The following FNDC3B variants were observed in gnomAD, a reference collection of about 807,000 sequenced individuals.
FNDC3B encodes the protein fibronectin type III domain-containing protein 3B.
FNDC3B carries 12 observed loss-of-function variants against 151.5 expected under a neutral mutation model. That is an observed-to-expected ratio of 0.08 (90% CI 0.05 to 0.13). The LOEUF is 0.13. Among genes scored for constraint, FNDC3B ranks in the 10% least tolerant of loss-of-function variants. The pLI is 1.00. For missense variants in FNDC3B, 1,214 were observed against 1,505.3 expected (o/e 0.81, Z 3.20); for synonymous variants, 528 against 549.0 (o/e 0.96, Z 0.54).
At chr3:172,373,396 C>G (rs575060249) in intron 23 of FNDC3B, among the ~76,000 whole-genome samples, 27 of 152,322 alleles carry the variant, frequency 1.8e-4, no homozygotes, top group African/African-American at 5.8e-4. Flanking sequence ...CAGGTGGAAT[C>G]TAAGCACTGA....
intron 2 of FNDC3B, 29 bp downstream of exon 2, chr3:172,112,619 C>T (rs758802172): frequency 4.9e-6 from 7 of 1,429,834 alleles, no homozygotes; most frequent in Non-Finnish European, 5.9e-6. Flanking sequence ...AAATTTAAGT[C>T]AAATTGTCTA....
In FNDC3B at chr3:172,101,803, T is replaced by C. The variant is rs147208863; in HGVS notation, c.-28-10649T>C. On this transcript the variant is annotated intron_variant, in intron 1 of 25. Coordinates refer to ENST00000415807, the MANE Select transcript of FNDC3B (RefSeq NM_022763.4). ...TTTATAATTTGGTTTCTGCTAGTTT[T>C]TTCCCCCCTCTAATTTTAAACCATC... Among the ~76,000 whole-genome samples, 18 of 152,360 alleles carry C rather than the reference T, an allele frequency of 1.2e-4. No individual in the cohort carries two copies. The East Asian group carries it at 3.5e-3, about 29-fold the overall frequency.
chr3:172,112,622 A>G (rs2108540593), intron 2 of FNDC3B, 32 bp downstream of exon 2: 1 of 1,404,832 alleles, frequency 7.1e-7, no homozygotes, highest in East Asian at 2.3e-5. Flanking sequence ...TTTAAGTCAA[A>G]TTGTCTAAGT....
intron 1 of FNDC3B, among the ~76,000 whole-genome samples, chr3:172,064,002 G>A (rs762812214): frequency 2.9e-4 from 44 of 152,264 alleles, no homozygotes; most frequent in Non-Finnish European, 4.9e-4. Context: ...TAAGGGCCAG[G>A]TGTGGTGGTG....
At chr3:172,108,839 T>G (rs560235760) in intron 1 of FNDC3B, among the ~76,000 whole-genome samples, 76 of 152,370 alleles carry the variant, frequency 5.0e-4, no homozygotes, top group African/African-American at 1.6e-3. Context: ...CCTCCTTGCC[T>G]TTTCTCTAGT....
At chr3:172,082,501 AT>A (rs1398923450) in intron 1 of FNDC3B, among the ~76,000 whole-genome samples, 1 of 151,342 alleles carries the variant, frequency 6.6e-6, no homozygotes, top group Non-Finnish European at 1.5e-5. Context: ...ACATCATGGG[AT>A]TATAGGGCCG....
rs113838974 is a variant in FNDC3B at position 172,115,298 on chromosome 3, A to G, written c.111+2708A>G. On this transcript the variant is annotated intron_variant, in intron 2 of 25. Coordinates refer to ENST00000415807, the MANE Select transcript of FNDC3B (RefSeq NM_022763.4). Reference sequence around the variant, plus strand: ...GAAGGCACAAGGGGAAGACAGAGTGAAGGAGAAGGAAAACCAAAAGTGGCA... The same window carrying G: ...GAAGGCACAAGGGGAAGACAGAGTGGAGGAGAAGGAAAACCAAAAGTGGCA... Among the ~76,000 whole-genome samples, 103 of 152,316 alleles carry G rather than the reference A, an allele frequency of 6.8e-4. 1 individual carries two copies. The highest frequency in any genetic ancestry group is 2.4e-3 in the African/African-American group (99 of 41,560).
At chr3:172,041,358 G>GTT (rs764264440) in intron 1 of FNDC3B, among the ~76,000 whole-genome samples, 37 of 104,212 alleles carry the variant, frequency 3.6e-4, no homozygotes, top group African/African-American at 1.1e-3. Flanking sequence ...TTTAAAAATC[G>GTT]TTTTCTTTCT....
chr3:172,251,469 A>C lies in FNDC3B; in HGVS notation c.718A>C (p.Ser240Arg). The part of the protein sequence containing the change: ...SGGSGGGGSG[S>R]GPGIKKTERR... ...TGGAAGTGGCGGAGGCGGCAGCGGT[A>C]GTGGTCCCGGAATTAAGAAAACAGA... Residue 240 changes from serine (S) to arginine (R), a missense_variant, in exon 6 of 26, where the codon AGT becomes CGT. Physicochemically the swap from Ser to Arg is moderately radical, Grantham distance 110. Coordinates refer to ENST00000415807, the MANE Select transcript of FNDC3B (RefSeq NM_022763.4). 6.2e-7 allele frequency: 1 copy of C among 1,614,096 alleles called. No individual in the cohort carries two copies. The highest frequency in any genetic ancestry group is 8.5e-7 in the Non-Finnish European group (1 of 1,179,988).
chr3:172,228,994 C>T (rs193175503), intron 4 of FNDC3B, among the ~76,000 whole-genome samples: 114 of 151,366 alleles, frequency 7.5e-4, no homozygotes, highest in Non-Finnish European at 1.5e-3. Context: ...TGAGGAAGGC[C>T]GAACCAAATA....
intron 1 of FNDC3B, among the ~76,000 whole-genome samples, chr3:172,093,027 A>C (rs574795321): frequency 1.3e-5 from 2 of 152,198 alleles, no homozygotes; most frequent in South Asian, 4.1e-4. Context: ...TATGTTGTCC[A>C]GGCTGGTCTT....
Position 172,191,764 on chromosome 3 carries a change from G to A in FNDC3B, c.188-35107G>A, listed in dbSNP as rs112038652. Among the ~76,000 whole-genome samples, 1,392 of 152,282 alleles carry A rather than the reference G, an allele frequency of 9.1e-3. 22 individuals carry two copies. Among genetic ancestry groups the A allele is most frequent in the African/African-American group, 0.032 (1,312 of 41,542 alleles). ...CTCCCATAGTGCTGAGATTACATGC[G>A]TGAGCCACCGTGCCTGGCCTCAAAT... On this transcript the variant is annotated intron_variant, in intron 3 of 25. Coordinates refer to ENST00000415807, the MANE Select transcript of FNDC3B (RefSeq NM_022763.4).
intron 10 of FNDC3B, among the ~76,000 whole-genome samples, chr3:172,307,888 T>C (rs1731275120): frequency 6.6e-6 from 1 of 152,212 alleles, no homozygotes; most frequent in African/African-American, 2.4e-5. Flanking sequence ...TGCAGCAGTA[T>C]TTTCTAAATG....
intron 11 of FNDC3B, among the ~76,000 whole-genome samples, chr3:172,323,873 T>C (rs1732213686): frequency 6.6e-6 from 1 of 152,106 alleles, no homozygotes; most frequent in African/African-American, 2.4e-5. Context: ...TGAGTGAGGA[T>C]GAGGATGAAG....
chr3:172,175,814 T>A (rs1318416998), intron 3 of FNDC3B, among the ~76,000 whole-genome samples: 1 of 152,118 alleles, frequency 6.6e-6, no homozygotes, highest in East Asian at 1.9e-4. Context: ...TTGTTTTTCC[T>A]GGGGAGGGGA....
chr3:172,333,887 A>G (rs936978686), intron 14 of FNDC3B, among the ~76,000 whole-genome samples: 10 of 151,696 alleles, frequency 6.6e-5, no homozygotes, highest in African/African-American at 2.4e-4. Context: ...CTCTTCCATG[A>G]CCCACCCCCT....
chr3:172,217,677 A>G (rs893850646), intron 3 of FNDC3B, among the ~76,000 whole-genome samples: 2 of 152,146 alleles, frequency 1.3e-5, no homozygotes, highest in Non-Finnish European at 2.9e-5. Context: ...AAGCCTAAAA[A>G]CAACTTGATA....
chr3:172,394,096 A>G (rs1401101556), intron 25 of FNDC3B, among the ~76,000 whole-genome samples: 3 of 107,752 alleles, frequency 2.8e-5, no homozygotes, highest in East Asian at 2.8e-4. Context: ...TGACAGAGTG[A>G]GACTCCTTCT....
chr3:172,210,041 A>G (rs927514342), intron 3 of FNDC3B, among the ~76,000 whole-genome samples: 9 of 152,068 alleles, frequency 5.9e-5, no homozygotes, highest in African/African-American at 2.2e-4. Flanking sequence ...CAGGGAGTGG[A>G]AGCAGGCACT....
Sources: gnomAD v4.1 joint callset for allele counts (sites outside exome capture counted in the v4.1 genomes callset) on GRCh38, gnomAD v4.1.1 for gene constraint, MANE v1.5 for transcripts, NCBI Gene and HGNC (gene_info 2026-07-23, HGNC 2026-07-21) for gene names.